PCDH11X: variants seen among roughly 807,000 people sequenced by gnomAD.
PCDH11X encodes protocadherin-11 X-linked.
A neutral mutation model predicts 53.3 loss-of-function variants in PCDH11X; 18 were observed. That is an observed-to-expected ratio of 0.34 (90% CI 0.23 to 0.50). The LOEUF (loss-of-function observed/expected upper bound fraction) is 0.50, where lower values mean the gene tolerates loss of function less well. PCDH11X is among the 20% of genes least tolerant of loss of function. PCDH11X has a pLI of 0.98. For synonymous variants in PCDH11X, 279 were observed against 393.3 expected (o/e 0.71, Z 3.44); for missense variants, 570 against 1,032.4 (o/e 0.55, Z 6.14).
At position 91,882,926 on chromosome X, in the gene PCDH11X, C is replaced by T. The variant is rs756323557; in HGVS notation, c.3033+3653C>T. 3 of 1,183,441 alleles carry T rather than the reference C, an allele frequency of 2.5e-6. No individual in the cohort carries two copies. The East Asian group carries it at 9.1e-5, about 36-fold the overall frequency. Reference sequence around the variant, plus strand: ...TCCTAGACTGATTCCAGGACATCAACTATTGAAATCTGCAGTGAGATATAA... The same window carrying T: ...TCCTAGACTGATTCCAGGACATCAATTATTGAAATCTGCAGTGAGATATAA... On this transcript the variant is annotated intron_variant, in intron 6 of 10. Coordinates refer to ENST00000682573, the MANE Select transcript of PCDH11X (RefSeq NM_032968.5).
intron 8 of PCDH11X, among the ~76,000 whole-genome samples, chrX:92,365,567 C>T (rs2070452718): frequency 9.0e-6 from 1 of 110,792 alleles, no homozygotes. Flanking sequence ...ACCAGGATTG[C>T]CACAAACACA....
chrX:92,110,649 C>T (rs1020778344), intron 6 of PCDH11X, among the ~76,000 whole-genome samples: 11 of 111,272 alleles, frequency 9.9e-5, no homozygotes, highest in African/African-American at 3.3e-4. Flanking sequence ...TGGGTGACTG[C>T]ACCTGTAAAG....
chrX:92,408,132 C>G (rs1426342679), intron 9 of PCDH11X, among the ~76,000 whole-genome samples: 1 of 110,786 alleles, frequency 9.0e-6, no homozygotes, highest in East Asian at 2.8e-4. Context: ...ATCCATCCAC[C>G]TCGGCCTCAC....
Position 91,784,874 on chromosome X carries a change from G to C in PCDH11X, c.-379+5190G>C, listed in dbSNP as rs1935277004. Among the ~76,000 whole-genome samples the C allele has an allele frequency of 2.7e-5, 3 of 111,535 alleles. No individual in the cohort carries two copies. The Admixed American group carries it at 2.9e-4, about 11-fold the overall frequency. On this transcript the variant is annotated intron_variant, in intron 1 of 10. Coordinates refer to ENST00000682573, the MANE Select transcript of PCDH11X (RefSeq NM_032968.5). ...TCAAAGAAGCTAAGGGGAAAGAAAA[G>C]CCACTCTACTTTAAACTTGCTTAGA... is the stretch of plus-strand genomic sequence containing the variant.
intron 6 of PCDH11X, among the ~76,000 whole-genome samples, chrX:91,926,414 G>T (rs1267256957): frequency 9.0e-6 from 1 of 111,021 alleles, no homozygotes; most frequent in African/African-American, 3.3e-5. Flanking sequence ...CTTCAAGTTG[G>T]TGCATAAAAT....
chrX:92,431,875 G>A (rs1308716612), intron 9 of PCDH11X, among the ~76,000 whole-genome samples: 2 of 109,658 alleles, frequency 1.8e-5, no homozygotes, highest in African/African-American at 6.6e-5. Flanking sequence ...TCCCTTTAAA[G>A]AAACACTGTA....
At chrX:91,803,445 C>T (rs1210372879) in intron 1 of PCDH11X, among the ~76,000 whole-genome samples, 1 of 110,717 alleles carries the variant, frequency 9.0e-6, no homozygotes, top group Non-Finnish European at 1.9e-5. Flanking sequence ...GATTCTGATT[C>T]CAAAACTTTA....
chrX:92,274,612 C>T (rs924823118), intron 8 of PCDH11X, among the ~76,000 whole-genome samples: 4 of 110,688 alleles, frequency 3.6e-5, no homozygotes, highest in African/African-American at 6.6e-5. Flanking sequence ...AGCAAATCCT[C>T]GAGCTTGATG....
chrX:92,133,653 A>T (rs779124752), intron 6 of PCDH11X, among the ~76,000 whole-genome samples: 2 of 112,593 alleles, frequency 1.8e-5, no homozygotes, highest in African/African-American at 3.2e-5. Context: ...GGCGTGAGCC[A>T]CCGCTCCCTG....
chrX:92,224,997 ACTG>A (rs1257679685), intron 7 of PCDH11X, among the ~76,000 whole-genome samples: 2 of 111,081 alleles, frequency 1.8e-5, no homozygotes, highest in African/African-American at 3.3e-5. Flanking sequence ...AGTGTTTGAT[ACTG>A]CTGTTAGTAT....
intron 6 of PCDH11X, among the ~76,000 whole-genome samples, chrX:91,886,827 T>G (rs796303677): frequency 2.8e-5 from 3 of 107,674 alleles, no homozygotes; most frequent in Admixed American, 1.0e-4. Context: ...AAAAATTAGC[T>G]GGGCGTGGTG....
intron 8 of PCDH11X, among the ~76,000 whole-genome samples, chrX:92,346,973 A>G (rs5942218): frequency 0.25 from 27,262 of 110,475 alleles, 2,874 homozygotes; most frequent in Non-Finnish European, 0.33. Flanking sequence ...GGTAAAAAAA[A>G]CTAAGGTTTA....
At chrX:92,523,070 T>C (rs112780038) in intron 10 of PCDH11X, among the ~76,000 whole-genome samples, 4 of 112,299 alleles carry the variant, frequency 3.6e-5, no homozygotes, top group African/African-American at 1.3e-4. Flanking sequence ...TGCACTATTT[T>C]AATGATATGC....
At chrX:92,113,264 G>C in intron 6 of PCDH11X, 1 of 1,199,561 alleles carries the variant, frequency 8.3e-7, no homozygotes, top group Non-Finnish European at 1.1e-6. Flanking sequence ...AGCAACATTG[G>C]GGGCATTTCC....
At chrX:91,781,648 CTGTGTGTGTGTGTGTGCGCGTGTG>C (rs1208607309) in intron 1 of PCDH11X, among the ~76,000 whole-genome samples, 1 of 108,744 alleles carries the variant, frequency 9.2e-6, no homozygotes, top group Non-Finnish European at 1.9e-5. Flanking sequence ...CTCTGTGGGT[CTGTGTGTGTGTGTGTGCGCGTGTG>C]TGTGTGTGTG....
chrX:92,272,109 T>C (rs1261956116), intron 8 of PCDH11X, among the ~76,000 whole-genome samples: 1 of 111,681 alleles, frequency 9.0e-6, no homozygotes, highest in Non-Finnish European at 1.9e-5. Flanking sequence ...TCCTCAGTAG[T>C]AGTGACTTAG....
intron 6 of PCDH11X, among the ~76,000 whole-genome samples, chrX:92,161,384 G>A (rs780513180): frequency 2.2e-4 from 24 of 111,570 alleles, no homozygotes; most frequent in Non-Finnish European, 3.2e-4. Context: ...CTGACAAATC[G>A]GCTGTTAATC....
chrX:92,227,780 A>G (rs770154680), intron 7 of PCDH11X, among the ~76,000 whole-genome samples: 2 of 111,341 alleles, frequency 1.8e-5, no homozygotes, highest in Non-Finnish European at 3.8e-5. Context: ...CTAGGAGCCT[A>G]TTGAAAAATT....
chrX:92,419,451 T>G (rs2071901014), intron 9 of PCDH11X, among the ~76,000 whole-genome samples: 1 of 107,803 alleles, frequency 9.3e-6, no homozygotes, highest in African/African-American at 3.4e-5. Context: ...CCTAGGTCTT[T>G]CTAGCTAAAG....
Sources: allele counts gnomAD v4.1 joint callset (sites outside exome capture counted in the v4.1 genomes callset), GRCh38; gene constraint gnomAD v4.1.1; transcripts MANE v1.5; gene names NCBI Gene and HGNC (gene_info 2026-07-23, HGNC 2026-07-21).